Variants in DYNC2H1 observed in about 807,000 individuals in gnomAD.
The protein encoded by DYNC2H1 is cytoplasmic dynein 2 heavy chain 1.
A neutral mutation model predicts 570.0 loss-of-function variants in DYNC2H1; 410 were observed. That is an observed-to-expected ratio of 0.72 (90% CI 0.66 to 0.78). The LOEUF (loss-of-function observed/expected upper bound fraction) is 0.78. Ranked by LOEUF, DYNC2H1 falls within the 30% of genes least tolerant of loss-of-function variation. The probability of loss-of-function intolerance (pLI) is 0.00; values close to 1 mark genes in which losing one functional copy is unlikely to be tolerated. For missense variants in DYNC2H1, 4,865 were observed against 5,046.4 expected (o/e 0.96, Z 1.09); for synonymous variants, 1,688 against 1,677.6 (o/e 1.01, Z -0.15).
rs1944997636 is a variant in DYNC2H1, at chr11:103,461,151, A to T, written c.12648+4795A>T. On this transcript the variant is annotated intron_variant, in intron 87 of 88. Transcript: ENST00000375735. This position sits in a 1 kb window ranked among gnomAD's most constrained non-coding sequence, Gnocchi z 4.8. ...TGTTACCAGGGAAGAAGTCTTTGTA[A>T]GGCTTTCACTGTTAGCACTTGGCAA... Among the ~76,000 whole-genome samples, 1 of 152,174 alleles carries T rather than the reference A, an allele frequency of 6.6e-6. No individual in the cohort carries two copies. Among genetic ancestry groups the T allele is most frequent in the Non-Finnish European group, 1.5e-5 (1 of 68,034 alleles).
intron 88 of DYNC2H1, chr11:103,474,072 GT>G: frequency 4.2e-6 from 1 of 240,244 alleles, no homozygotes; most frequent in Non-Finnish European, 9.1e-6. Flanking sequence ...TATTTTGTAT[GT>G]TATTTTTTTT....
Position 103,257,628 on chromosome 11 carries a change from C to A in DYNC2H1, c.10482C>A (p.Pro3494=). ...SLDQERDAYL[P]LAESASKMYF... ...CATAGGAACGGGATGCCTATCTCCC[C>A]CTGGCTGAGAGTGCCAGCAAGATGT... is the stretch of plus-strand genomic sequence containing the variant. Residue 3494 remains proline (P), a synonymous_variant, in exon 69 of 89, where the codon CCC becomes CCA. Transcript: ENST00000375735. 6.2e-7 allele frequency: 1 copy of A among 1,612,106 alleles called. No individual in the cohort carries two copies. Among genetic ancestry groups the A allele is most frequent in the South Asian group, 1.1e-5 (1 of 90,784 alleles).
At chr11:103,424,294 T>C (rs1032230407) in intron 84 of DYNC2H1, among the ~76,000 whole-genome samples, 1 of 152,116 alleles carries the variant, frequency 6.6e-6, no homozygotes, top group Non-Finnish European at 1.5e-5. Flanking sequence ...GAGATAGCCC[T>C]GCACACTAGC....
chr11:103,432,026 TG>T (rs1415962748), intron 84 of DYNC2H1, among the ~76,000 whole-genome samples: 1 of 152,086 alleles, frequency 6.6e-6, no homozygotes, highest in African/African-American at 2.4e-5. Flanking sequence ...AACGCTGTAG[TG>T]GATCAGACCA....
chr11:103,257,487 T>C (rs991728922), intron 68 of DYNC2H1, 121 bp from the exon 69 acceptor site: 69 of 983,574 alleles, frequency 7.0e-5, no homozygotes, highest in Non-Finnish European at 9.0e-5. Context: ...TTTATGTGCA[T>C]AGAAAAAGTA....
intron 88 of DYNC2H1, among the ~76,000 whole-genome samples, chr11:103,477,042 C>T (rs562525099): frequency 9.3e-4 from 141 of 152,134 alleles, no homozygotes; most frequent in African/African-American, 3.1e-3. Flanking sequence ...ATTCTTTCCA[C>T]ATCCTGTGAG....
rs605540 is a variant in DYNC2H1 at position 103,209,476 on chromosome 11, T to G, written c.8455-400T>G. On this transcript the variant is annotated intron_variant, in intron 52 of 88. Coordinates refer to ENST00000375735, the MANE Select transcript of DYNC2H1 (RefSeq NM_001377.3). This position sits in a 1 kb window ranked among gnomAD's most constrained non-coding sequence, Gnocchi z 4.2. ...TTATTTTTATTTAATTTTAGTTTTT[T>G]TTTGAAAAAGCTAAGAATCCTTGCT... 2.0e-5 allele frequency among the ~76,000 whole-genome samples: 3 copies of G among 151,900 alleles called. No homozygotes were observed. The highest frequency in any genetic ancestry group is 2.0e-4 in the Admixed American group (3 of 15,234).
At chr11:103,379,952 G>C (rs1000733647) in intron 83 of DYNC2H1, among the ~76,000 whole-genome samples, 1 of 152,088 alleles carries the variant, frequency 6.6e-6, no homozygotes, top group Non-Finnish European at 1.5e-5. Flanking sequence ...GAATAAACAG[G>C]AATTATTTGG....
At chr11:103,388,001 A>G (rs936646381) in intron 83 of DYNC2H1, among the ~76,000 whole-genome samples, 13 of 152,120 alleles carry the variant, frequency 8.5e-5, no homozygotes, top group African/African-American at 7.2e-5. Context: ...TTTTGGTTCC[A>G]TATGAACTTT....
At chr11:103,460,294 C>G (rs1161120941) in intron 87 of DYNC2H1, among the ~76,000 whole-genome samples, 1 of 148,088 alleles carries the variant, frequency 6.8e-6, no homozygotes, top group Admixed American at 6.7e-5. Flanking sequence ...CAGCTGTGAA[C>G]CATGCATGTA....
chr11:103,478,917 T>A (rs1945655053), intron 88 of DYNC2H1, among the ~76,000 whole-genome samples, 178 bp from the exon 89 acceptor site: 1 of 152,192 alleles, frequency 6.6e-6, no homozygotes, highest in Non-Finnish European at 1.5e-5. Flanking sequence ...GGAGAGGTTG[T>A]AAATAAAACA....
At chr11:103,445,865 G>A (rs1015788055) in intron 85 of DYNC2H1, among the ~76,000 whole-genome samples, 1 of 152,084 alleles carries the variant, frequency 6.6e-6, no homozygotes, top group African/African-American at 2.4e-5. Context: ...TGTTAGCCAG[G>A]ATGGTCTCAA....
intron 70 of DYNC2H1, among the ~76,000 whole-genome samples, chr11:103,265,111 A>G (rs1865456438): frequency 6.6e-6 from 1 of 152,208 alleles, no homozygotes; most frequent in African/African-American, 2.4e-5. Flanking sequence ...TAACACAGGA[A>G]CAGAAAACCA....
chr11:103,434,635 A>C (rs997726531), intron 84 of DYNC2H1, among the ~76,000 whole-genome samples: 1 of 152,180 alleles, frequency 6.6e-6, no homozygotes, highest in African/African-American at 2.4e-5. Context: ...GTCTTGCTGC[A>C]GAACAAATCT....
intron 82 of DYNC2H1, among the ~76,000 whole-genome samples, chr11:103,337,007 G>A (rs12806599): frequency 0.044 from 6,739 of 152,172 alleles, 310 homozygotes; most frequent in East Asian, 0.19. Flanking sequence ...TGGCCATGAC[G>A]CCCACGCTGA....
Position 103,305,587 on chromosome 11 carries a change from T to C in DYNC2H1, c.11382+867T>C, listed in dbSNP as rs1191470884. 1.3e-5 allele frequency among the ~76,000 whole-genome samples: 2 copies of C among 152,180 alleles called. No individual in the cohort carries two copies. The highest frequency in any genetic ancestry group is 4.8e-5 in the African/African-American group (2 of 41,438). On this transcript the variant is annotated intron_variant, in intron 77 of 88. Transcript: ENST00000375735. The surrounding 1 kb of genome is among the most constrained non-coding windows in gnomAD (Gnocchi z 4.3). Reference sequence around the variant, plus strand: ...GTAATTAATTAATTAATTAATTTTTTCTGGCAGTGGTATATAGAATAGAAA... The same window carrying C: ...GTAATTAATTAATTAATTAATTTTTCCTGGCAGTGGTATATAGAATAGAAA...
chr11:103,302,225 AT>A (rs1236115811), intron 75 of DYNC2H1, among the ~76,000 whole-genome samples: 2 of 152,040 alleles, frequency 1.3e-5, no homozygotes, highest in African/African-American at 4.8e-5. Context: ...AAGATAATCA[AT>A]TTCTTTGAGT....
chr11:103,297,713 T>G (rs1302720432), intron 75 of DYNC2H1, among the ~76,000 whole-genome samples: 2 of 152,126 alleles, frequency 1.3e-5, no homozygotes, highest in Non-Finnish European at 2.9e-5. Flanking sequence ...ATGCAGCTCA[T>G]GTAATTCTTT....
chr11:103,268,826 T>C lies in DYNC2H1; in HGVS notation c.10695+8849T>C, dbSNP rs1272479274. ...TTATTAGGAGTTAGTTGCTTGTTTC[T>C]AAGCTATGTGTCTTATCTCAGTTTA... On this transcript the variant is annotated intron_variant, in intron 70 of 88. Transcript: ENST00000375735. The surrounding 1 kb of genome is among the most constrained non-coding windows in gnomAD (Gnocchi z 4.6). 6.6e-6 allele frequency among the ~76,000 whole-genome samples: 1 copy of C among 152,114 alleles called. No homozygotes were observed.
Sources: allele counts gnomAD v4.1 joint callset (sites outside exome capture counted in the v4.1 genomes callset), GRCh38; gene constraint gnomAD v4.1.1; non-coding constraint Gnocchi (gnomAD v3.1); transcripts MANE v1.5; gene names NCBI Gene and HGNC (gene_info 2026-07-23, HGNC 2026-07-21).